RNGTT: variants seen among roughly 807,000 people sequenced by gnomAD.
The protein encoded by RNGTT is mRNA-capping enzyme.
Under a neutral mutation model 79.3 loss-of-function variants are expected in RNGTT, and 33 were observed. The observed-to-expected ratio is 0.42, with a 90% CI of 0.32 to 0.56. The LOEUF is 0.56. RNGTT is among the 20% of genes least tolerant of loss of function. The pLI, the probability that RNGTT is intolerant of heterozygous loss-of-function variation, is 0.17. For synonymous variants in RNGTT, 222 were observed against 235.9 expected (o/e 0.94, Z 0.54); for missense variants, 497 against 739.1 (o/e 0.67, Z 3.80).
chr6:88,641,211 C>T lies in RNGTT; in HGVS notation c.1507-26816G>A, dbSNP rs949973235. ...AAAATTAGCCAGGCACGGTGGCGGG[C>T]GCCTGTAATCCCAGCTACTCAGGAA... On this transcript the variant is annotated intron_variant, in intron 14 of 15. Coordinates refer to ENST00000369485, the MANE Select transcript of RNGTT (RefSeq NM_003800.5). Among the ~76,000 whole-genome samples, 21 of 151,664 alleles carry T rather than the reference C, an allele frequency of 1.4e-4. 1 individual carries two copies. Among genetic ancestry groups the T allele is most frequent in the African/African-American group, 3.6e-4 (15 of 41,296 alleles).
intron 13 of RNGTT, among the ~76,000 whole-genome samples, chr6:88,724,109 T>C (rs925940913): frequency 6.6e-6 from 1 of 152,208 alleles, no homozygotes; most frequent in Admixed American, 6.5e-5. Flanking sequence ...GTAAAAAAGT[T>C]ATAGTGAGCT....
rs547412698 is a variant in RNGTT, at chr6:88,645,873, A to C, written c.1507-31478T>G. On this transcript the variant is annotated intron_variant, in intron 14 of 15. Coordinates refer to ENST00000369485, the MANE Select transcript of RNGTT (RefSeq NM_003800.5). ...TTAGTCAAGATGGATTAAAGACTTAAACGTTAGACCTAAAACCATAAAAAC... is the reference window on the plus strand; with the variant it reads ...TTAGTCAAGATGGATTAAAGACTTACACGTTAGACCTAAAACCATAAAAAC... Among the ~76,000 whole-genome samples, 21 of 152,362 alleles carry C rather than the reference A, an allele frequency of 1.4e-4. No individual in the cohort carries two copies. The East Asian group carries it at 3.7e-3, about 27-fold the overall frequency.
At chr6:88,638,701 TA>T (rs1773195111) in intron 14 of RNGTT, among the ~76,000 whole-genome samples, 1 of 152,098 alleles carries the variant, frequency 6.6e-6, no homozygotes, top group South Asian at 2.1e-4. Flanking sequence ...TTTCTTTTAG[TA>T]AATCAGAGCT....
At chr6:88,785,230 T>C (rs1003296895) in intron 12 of RNGTT, among the ~76,000 whole-genome samples, 1 of 152,108 alleles carries the variant, frequency 6.6e-6, no homozygotes, top group African/African-American at 2.4e-5. Flanking sequence ...TTCTTTCATT[T>C]TTGTGAAGTC....
intron 11 of RNGTT, among the ~76,000 whole-genome samples, chr6:88,814,218 T>C (rs1056958769): frequency 3.3e-5 from 5 of 152,224 alleles, no homozygotes; most frequent in African/African-American, 1.2e-4. Context: ...AACTTCCTAA[T>C]AAATCATCCT....
intron 14 of RNGTT, among the ~76,000 whole-genome samples, chr6:88,630,694 G>A (rs1282022871): frequency 1.3e-5 from 2 of 151,226 alleles, no homozygotes; most frequent in Non-Finnish European, 3.0e-5. Flanking sequence ...GGGAGGGGGT[G>A]ACAGAATGAA....
At chr6:88,683,337 AAGTTTCAAAAGTC>A in intron 13 of RNGTT, among the ~76,000 whole-genome samples, 1 of 152,278 alleles carries the variant, frequency 6.6e-6, no homozygotes, top group African/African-American at 2.4e-5. Flanking sequence ...TTATCCCAAC[AAGTTTCAAAAGTC>A]AGAATAGAGA....
intron 11 of RNGTT, among the ~76,000 whole-genome samples, chr6:88,813,385 A>T (rs898002557): frequency 6.6e-6 from 1 of 152,102 alleles, no homozygotes; most frequent in Admixed American, 6.6e-5. Context: ...ATCCCTGAAC[A>T]CACTCCCTAA....
intron 13 of RNGTT, among the ~76,000 whole-genome samples, chr6:88,729,253 T>A (rs1432193569): frequency 6.6e-6 from 1 of 152,158 alleles, no homozygotes; most frequent in Non-Finnish European, 1.5e-5. Context: ...CAATCAGTCC[T>A]TATTCATCCC....
chr6:88,861,635 A>G (rs1782017600), intron 8 of RNGTT, among the ~76,000 whole-genome samples: 1 of 152,176 alleles, frequency 6.6e-6, no homozygotes, highest in Non-Finnish European at 1.5e-5. Context: ...TCCATTCATG[A>G]ACCAACGAAA....
In RNGTT at chr6:88,951,824, C is replaced by T. The variant is rs1289103137; in HGVS notation, c.65-10644G>A. 5.3e-5 allele frequency among the ~76,000 whole-genome samples: 8 copies of T among 152,032 alleles called. No homozygotes were observed. The East Asian group carries it at 7.7e-4, about 15-fold the overall frequency. On this transcript the variant is annotated intron_variant, in intron 1 of 15. Coordinates refer to ENST00000369485, the MANE Select transcript of RNGTT (RefSeq NM_003800.5). ...CCTGACTACATCTCACAGGGGCCCT[C>T]GGGGAAAGCAGACAGCAGAATTAGG... is the stretch of plus-strand genomic sequence containing the variant.
intron 13 of RNGTT, among the ~76,000 whole-genome samples, chr6:88,713,094 TG>T (rs1409773790): frequency 1.3e-5 from 2 of 152,160 alleles, no homozygotes; most frequent in Admixed American, 6.5e-5. Flanking sequence ...CCTCAAGTCA[TG>T]TGTTCAAACC....
chr6:88,892,593 T>G (rs1214016439), intron 6 of RNGTT, among the ~76,000 whole-genome samples: 5 of 152,048 alleles, frequency 3.3e-5, no homozygotes, highest in African/African-American at 7.2e-5. Context: ...CACAGCGAAG[T>G]AAAGCAGACA....
chr6:88,720,561 A>T (rs529980680), intron 13 of RNGTT, among the ~76,000 whole-genome samples: 73 of 152,196 alleles, frequency 4.8e-4, no homozygotes, highest in African/African-American at 1.7e-3. Context: ...TTAATTACCT[A>T]GTACTTATTA....
At chr6:88,951,854 G>C (rs1345363719) in intron 1 of RNGTT, among the ~76,000 whole-genome samples, 1 of 152,158 alleles carries the variant, frequency 6.6e-6, no homozygotes, top group Non-Finnish European at 1.5e-5. Context: ...ATTAGGGAGG[G>C]TCATGGGGGG....
chr6:88,899,748 T>C (rs1783383085), intron 6 of RNGTT, among the ~76,000 whole-genome samples: 2 of 152,200 alleles, frequency 1.3e-5, no homozygotes, highest in Admixed American at 1.3e-4. Context: ...TCCTTTCTAG[T>C]ACTCTCCTCT....
At position 88,891,898 on chromosome 6, in the gene RNGTT, T is replaced by C. The variant is rs751584633; in HGVS notation, c.702A>G (p.Glu234=). The C allele has an allele frequency of 8.9e-6, 14 of 1,567,742 alleles. No individual in the cohort carries two copies. Among genetic ancestry groups the C allele is most frequent in the South Asian group, 1.2e-5 (1 of 81,202 alleles). The part of the protein sequence containing the change: ...ERLKLGAIFL[E]GVTVKGVTQV... ...GAGTTACACCTTTAACAGTAACACC[T>C]TCCAAGAAAATAGCGCCCTTTAAAA... The change falls in exon 7 of 16, where the codon GAA becomes GAG. Residue 234 remains glutamate (E), a synonymous_variant. Transcript: ENST00000369485.
chr6:88,868,227 A>T (rs1436064094), intron 8 of RNGTT, among the ~76,000 whole-genome samples: 1 of 152,164 alleles, frequency 6.6e-6, no homozygotes, highest in Non-Finnish European at 1.5e-5. Context: ...GGTGGTCCTA[A>T]ACTTCAAGAA....
At chr6:88,809,661 C>G (rs763537731) in intron 11 of RNGTT, among the ~76,000 whole-genome samples, 4 of 151,958 alleles carry the variant, frequency 2.6e-5, no homozygotes, top group East Asian at 1.9e-4. Context: ...GTATTTTAAA[C>G]AGAATGAAAA....
Sources: gnomAD v4.1 joint callset for allele counts (sites outside exome capture counted in the v4.1 genomes callset) on GRCh38, gnomAD v4.1.1 for gene constraint, MANE v1.5 for transcripts, NCBI Gene and HGNC (gene_info 2026-07-23, HGNC 2026-07-21) for gene names.